The following ZNF609 variants were observed in gnomAD, a reference collection of about 807,000 sequenced individuals.
The protein encoded by ZNF609 is zinc finger protein 609.
In ZNF609, 11 loss-of-function variants were observed where a neutral mutation model predicts 109.5. That is an observed-to-expected ratio of 0.10 (90% CI 0.06 to 0.17). The LOEUF (loss-of-function observed/expected upper bound fraction) is 0.17. Ranked by LOEUF, ZNF609 falls within the 10% of genes least tolerant of loss-of-function variation. The pLI, the probability that ZNF609 is intolerant of heterozygous loss-of-function variation, is 1.00. For synonymous variants in ZNF609, 646 were observed against 662.0 expected, an observed-to-expected ratio of 0.98 and a Z score of 0.37; for missense variants, 1,559 against 1,772.4, an observed-to-expected ratio of 0.88 and a Z score of 2.16.
Position 64,608,139 on chromosome 15 carries a change from C to T in ZNF609, c.748-14688C>T, listed in dbSNP as rs543380319. ...CTCGAACTCCTGACCTCAGGCAATCCGCCCGCCTTGGCCTCCCAAAGTGCT... is the reference window on the plus strand; with the variant it reads ...CTCGAACTCCTGACCTCAGGCAATCTGCCCGCCTTGGCCTCCCAAAGTGCT... On this transcript the variant is annotated intron_variant, in intron 2 of 9. Transcript: ENST00000326648. 5.3e-5 allele frequency among the ~76,000 whole-genome samples: 8 copies of T among 152,036 alleles called. No homozygotes were observed. In the East Asian group the frequency reaches 5.8e-4, roughly 11 times the overall value.
At position 64,675,800 on chromosome 15, in the gene ZNF609, C is replaced by G. The variant is rs566544081; in HGVS notation, c.2946C>G (p.Pro982=). Residue 982 remains proline (P), a synonymous_variant, in exon 5 of 10, where the codon CCC becomes CCG. Transcript: ENST00000326648. The part of the protein sequence containing the change: ...LYYNQYAYVP[P]YGYSDQSYHT... ...ACAACCAGTATGCCTATGTACCCCC[C>G]TATGGCTACAGCGACCAGAGTTACC... The G allele has an allele frequency of 6.2e-7, 1 of 1,614,212 alleles. No individual in the cohort carries two copies. Among genetic ancestry groups the G allele is most frequent in the African/African-American group, 1.3e-5 (1 of 75,052 alleles).
chr15:64,557,575 A>T (rs921283366), intron 2 of ZNF609, among the ~76,000 whole-genome samples: 1 of 152,190 alleles, frequency 6.6e-6, no homozygotes, highest in Non-Finnish European at 1.5e-5. Flanking sequence ...AAGTCTCATA[A>T]ATTTGGCATG....
At chr15:64,586,702 G>A (rs2140934310) in intron 2 of ZNF609, among the ~76,000 whole-genome samples, 1 of 152,130 alleles carries the variant, frequency 6.6e-6, no homozygotes, top group South Asian at 2.1e-4. Context: ...GGGCCCTGGT[G>A]CCAAAAAGGT....
Position 64,577,247 on chromosome 15 carries a change from G to GTA in ZNF609, c.748-45571_748-45570dup, listed in dbSNP as rs758780914. Among the ~76,000 whole-genome samples, 36 of 69,276 alleles carry GTA rather than the reference G, an allele frequency of 5.2e-4. 12 individuals are homozygous for GTA. Among genetic ancestry groups the GTA allele is most frequent in the Admixed American group, 2.3e-3 (12 of 5,260 alleles). The allele number at this position is 69,276 out of a possible 152,430, so 45.4% of individuals were successfully genotyped here. ...TACACACAAATACATACATATATAT[G>GTA]TATATATATACACACAAATATATAC... is the stretch of plus-strand genomic sequence containing the variant. On this transcript the variant is annotated intron_variant, in intron 2 of 9. Coordinates refer to ENST00000326648, the MANE Select transcript of ZNF609 (RefSeq NM_015042.2).
intron 1 of ZNF609, among the ~76,000 whole-genome samples, chr15:64,472,749 T>G (rs1035014110): frequency 1.3e-5 from 2 of 152,006 alleles, no homozygotes; most frequent in Non-Finnish European, 2.9e-5. Context: ...TCCAGCTACA[T>G]GGGAAGTGGA....
At chr15:64,648,226 C>T (rs1896363682) in intron 3 of ZNF609, among the ~76,000 whole-genome samples, 1 of 152,138 alleles carries the variant, frequency 6.6e-6, no homozygotes, top group Non-Finnish European at 1.5e-5. Context: ...ATGGTTTACA[C>T]CTGTAATCTC....
At chr15:64,576,838 AAAAAAAG>A (rs1894962065) in intron 2 of ZNF609, among the ~76,000 whole-genome samples, 1 of 147,168 alleles carries the variant, frequency 6.8e-6, no homozygotes, top group East Asian at 2.0e-4. Context: ...AAAAAAAAAA[AAAAAAAG>A]AATGAACTGA....
intron 2 of ZNF609, chr15:64,528,822 C>T (rs559892268): frequency 2.9e-4 from 245 of 839,802 alleles, no homozygotes; most frequent in Middle Eastern, 2.1e-3. Flanking sequence ...CTGTTGAAGT[C>T]GAAGGAGACC....
At chr15:64,657,208 C>G (rs1896502894) in intron 3 of ZNF609, among the ~76,000 whole-genome samples, 1 of 145,438 alleles carries the variant, frequency 6.9e-6, no homozygotes, top group African/African-American at 2.5e-5. Context: ...TGCAGTGAGC[C>G]AAGATCGCAC....
intron 1 of ZNF609, among the ~76,000 whole-genome samples, chr15:64,481,949 T>A (rs1893260074): frequency 6.6e-6 from 1 of 151,942 alleles, no homozygotes; most frequent in African/African-American, 2.4e-5. Flanking sequence ...CACACCTGGC[T>A]AATTTTTATA....
intron 2 of ZNF609, among the ~76,000 whole-genome samples, chr15:64,601,680 T>C (rs1243351628): frequency 9.9e-5 from 15 of 152,192 alleles, no homozygotes. Flanking sequence ...GTGATCCTAT[T>C]GTCTAGAGTA....
intron 3 of ZNF609, among the ~76,000 whole-genome samples, chr15:64,653,528 C>T (rs1413967227): frequency 1.3e-5 from 2 of 152,214 alleles, no homozygotes; most frequent in Non-Finnish European, 2.9e-5. Flanking sequence ...CGCCTGTAGT[C>T]CCAGCTACTT....
chr15:64,654,968 C>T (rs755479902), intron 3 of ZNF609, among the ~76,000 whole-genome samples: 2 of 151,782 alleles, frequency 1.3e-5, no homozygotes, highest in African/African-American at 4.8e-5. Context: ...TGGTGATGGG[C>T]GCCTGTAATC....
intron 1 of ZNF609, among the ~76,000 whole-genome samples, chr15:64,490,944 AG>A (rs1169355950): frequency 6.6e-6 from 1 of 152,220 alleles, no homozygotes; most frequent in Non-Finnish European, 1.5e-5. Flanking sequence ...ATAAAGACTC[AG>A]GGACTAAGAG....
chr15:64,574,223 A>T (rs1381647270), intron 2 of ZNF609, among the ~76,000 whole-genome samples: 2 of 80,310 alleles, frequency 2.5e-5, no homozygotes, highest in African/African-American at 6.6e-5. Context: ...TTGAGAATTT[A>T]CTTTCTCTCT....
intron 2 of ZNF609, among the ~76,000 whole-genome samples, chr15:64,555,052 C>T (rs1418032954): frequency 2.7e-5 from 4 of 150,856 alleles, no homozygotes; most frequent in East Asian, 2.0e-4. Flanking sequence ...GCCAAGATCA[C>T]GCCATTGCAC....
intron 3 of ZNF609, among the ~76,000 whole-genome samples, chr15:64,654,809 C>T (rs2141000202): frequency 6.6e-6 from 1 of 152,212 alleles, no homozygotes; most frequent in African/African-American, 2.4e-5. Flanking sequence ...AGCATAGCGC[C>T]AAGTGGGCCG....
rs77292155 is a variant in ZNF609, at chr15:64,465,187, T to C, written c.-128+4349T>C. ...AGGAGAAAATTTCTTGCTTTCAGTATGGTGAAAAAGATTTAGCCTACTGGG... is the reference window on the plus strand; with the variant it reads ...AGGAGAAAATTTCTTGCTTTCAGTACGGTGAAAAAGATTTAGCCTACTGGG... On this transcript the variant is annotated intron_variant, in intron 1 of 9. Transcript: ENST00000326648. Among the ~76,000 whole-genome samples the C allele has an allele frequency of 5.0e-3, 769 of 152,360 alleles. 10 individuals are homozygous for C. Among genetic ancestry groups the C allele is most frequent in the African/African-American group, 0.018 (729 of 41,582 alleles).
chr15:64,540,512 C>G (rs979485601), intron 2 of ZNF609, among the ~76,000 whole-genome samples: 5 of 151,940 alleles, frequency 3.3e-5, no homozygotes, highest in Non-Finnish European at 5.9e-5. Flanking sequence ...TCAAGTGATT[C>G]TCCTGCTTTA....
Sources: allele counts gnomAD v4.1 joint callset (sites outside exome capture counted in the v4.1 genomes callset), GRCh38; gene constraint gnomAD v4.1.1; transcripts MANE v1.5; gene names NCBI Gene and HGNC (gene_info 2026-07-23, HGNC 2026-07-21).